IL31RA: variants seen among roughly 807,000 people sequenced by gnomAD.
IL31RA encodes interleukin 31 receptor A, also known as interleukin-31 receptor subunit alpha.
IL31RA carries 66 observed loss-of-function variants against 83.7 expected under a neutral mutation model. The observed-to-expected ratio is 0.79, with a 90% confidence interval of 0.65 to 0.97. IL31RA has a LOEUF of 0.97. IL31RA is among the 50% of genes least tolerant of loss of function. The pLI, the probability that IL31RA is intolerant of heterozygous loss-of-function variation, is 0.00. For missense variants in IL31RA, 798 were observed against 919.4 expected (o/e 0.87, Z 1.71); for synonymous variants, 325 against 329.0 (o/e 0.99, Z 0.13).
upstream of IL31RA, among the ~76,000 whole-genome samples, chr5:55,847,215 C>T (rs1744945073): frequency 7.4e-6 from 1 of 135,178 alleles, no homozygotes; most frequent in East Asian, 2.1e-4. Context: ...TGCACTCCAG[C>T]CTGGGCAACA....
upstream of IL31RA, among the ~76,000 whole-genome samples, chr5:55,847,251 AT>A (rs1744954913): frequency 2.2e-5 from 2 of 90,218 alleles, no homozygotes; most frequent in African/African-American, 3.3e-5. Context: ...ATAAAAATAA[AT>A]AAATAAATAA....
chr5:55,894,379 C>T lies in IL31RA; in HGVS notation c.773-1971C>T, dbSNP rs904437885. 4.6e-5 allele frequency among the ~76,000 whole-genome samples: 7 copies of T among 152,248 alleles called. No individual in the cohort carries two copies. The South Asian group carries it at 6.2e-4, about 14-fold the overall frequency. ...CTTCCTGTCTGAGAAATTTGAGTAC[C>T]GGCTGTCCTGTCTTATGATTCAATA... On this transcript the variant is annotated intron_variant, in intron 6 of 14. Coordinates refer to ENST00000652347, the MANE Select transcript of IL31RA (RefSeq NM_139017.7).
chr5:55,898,752 C>T (rs1373557738), intron 7 of IL31RA, among the ~76,000 whole-genome samples: 2 of 151,692 alleles, frequency 1.3e-5, no homozygotes, highest in East Asian at 1.9e-4. Flanking sequence ...TGGGGCTGGG[C>T]GTGGACTGGG....
chr5:55,918,151 C>T lies in IL31RA; in HGVS notation c.*1031C>T, dbSNP rs161697. 0.29 allele frequency among the ~76,000 whole-genome samples: 44,784 copies of T among 152,070 alleles called. 6,682 individuals carry two copies. The highest frequency in any genetic ancestry group is 0.34 in the South Asian group (1,649 of 4,818). ...GCTTCAGCACTGAGATAGTACTGGG[C>T]TCCTCCTGTAACTATAGTGACAGAG... On this transcript the variant is annotated 3_prime_UTR_variant, in exon 15 of 15. Transcript: ENST00000652347.
Position 55,871,159 on chromosome 5 carries a change from C to T in IL31RA, c.273-1111C>T, listed in dbSNP as rs1286047959. Among the ~76,000 whole-genome samples the T allele has an allele frequency of 3.3e-5, 5 of 152,206 alleles. No homozygotes were observed. The East Asian group carries it at 9.6e-4, about 29-fold the overall frequency. ...GAGGTTAAAGAACTTGCCCAAGTCA[C>T]ACAGTTAATAGGGGCAAAGCCACGA... On this transcript the variant is annotated intron_variant, in intron 3 of 14. Coordinates refer to ENST00000652347, the MANE Select transcript of IL31RA (RefSeq NM_139017.7).
At chr5:55,908,159 C>T in intron 10 of IL31RA, 106 bp from the exon 11 acceptor site, 1 of 1,520,240 alleles carries the variant, frequency 6.6e-7, no homozygotes, top group Non-Finnish European at 9.0e-7. Context: ...TCACCCGTCG[C>T]CTCCAGCACT....
chr5:55,909,923 C>T (rs1395921490), intron 11 of IL31RA, among the ~76,000 whole-genome samples: 1 of 152,162 alleles, frequency 6.6e-6, no homozygotes, highest in East Asian at 1.9e-4. Flanking sequence ...AGGCTGGTCT[C>T]GAACTCCCGA....
intron 8 of IL31RA, 29 bp from the exon 9 acceptor site, chr5:55,906,077 T>G (rs1439928295): frequency 3.7e-6 from 6 of 1,611,302 alleles, no homozygotes; most frequent in African/African-American, 1.3e-5. Context: ...GTTGGGTAGC[T>G]GTGAAGCAGT....
intron 2 of IL31RA, among the ~76,000 whole-genome samples, chr5:55,860,308 G>T (rs113083660): frequency 0.056 from 8,524 of 152,076 alleles, 496 homozygotes; most frequent in African/African-American, 0.15. Flanking sequence ...GGCGGAGGTT[G>T]CAGTGAGCCT....
At chr5:55,855,686 G>T (rs1373368352) in intron 1 of IL31RA, among the ~76,000 whole-genome samples, 2 of 152,314 alleles carry the variant, frequency 1.3e-5, no homozygotes, top group East Asian at 3.9e-4. Context: ...GGTCCTGTGA[G>T]ACAGGATGTG....
intron 3 of IL31RA, among the ~76,000 whole-genome samples, chr5:55,870,510 T>C (rs187007023): frequency 6.6e-6 from 1 of 152,340 alleles, no homozygotes; most frequent in Non-Finnish European, 1.5e-5. Flanking sequence ...GGCACCTTTA[T>C]AGGTTTACTG....
intron 4 of IL31RA, among the ~76,000 whole-genome samples, chr5:55,881,650 A>G (rs1356176894): frequency 6.9e-6 from 1 of 145,714 alleles, no homozygotes; most frequent in African/African-American, 2.6e-5. Context: ...AAGCTCATAT[A>G]CCAGTTAAAC....
chr5:55,867,254 CGTGTGTTTGT>C (rs1746203939), intron 2 of IL31RA, among the ~76,000 whole-genome samples: 2 of 24,980 alleles, frequency 8.0e-5, no homozygotes, highest in African/African-American at 1.6e-4. Context: ...TTTGTGTGTG[CGTGTGTTTGT>C]GTGCGTGTGT....
intron 1 of IL31RA, among the ~76,000 whole-genome samples, chr5:55,854,947 A>G (rs1475885122): frequency 6.6e-6 from 1 of 152,112 alleles, no homozygotes; most frequent in Non-Finnish European, 1.5e-5. Context: ...AACATTTAAA[A>G]GAGACTGAGA....
At chr5:55,913,237 C>T (rs1160122668) in intron 12 of IL31RA, among the ~76,000 whole-genome samples, 1 of 152,044 alleles carries the variant, frequency 6.6e-6, no homozygotes, top group Non-Finnish European at 1.5e-5. Context: ...ATTATAGGTG[C>T]ACACTATCAC....
At chr5:55,885,544 C>T (rs895109241) in intron 5 of IL31RA, among the ~76,000 whole-genome samples, 2 of 152,238 alleles carry the variant, frequency 1.3e-5, no homozygotes, top group Non-Finnish European at 2.9e-5. Flanking sequence ...GGCTCCACCC[C>T]ATTCTCCCAG....
intron 4 of IL31RA, among the ~76,000 whole-genome samples, chr5:55,879,303 G>C (rs1747044566): frequency 6.6e-6 from 1 of 151,920 alleles, no homozygotes; most frequent in Non-Finnish European, 1.5e-5. Context: ...AAGTAAGACA[G>C]CCACAAAACT....
At chr5:55,867,206 T>TTTGTGTGTGC (rs1746176208) in intron 2 of IL31RA, among the ~76,000 whole-genome samples, 2 of 92,388 alleles carry the variant, frequency 2.2e-5, no homozygotes, top group South Asian at 3.6e-4. Flanking sequence ...TGTTTGTGTG[T>TTTGTGTGTGC]GTGCGCATGT....
chr5:55,861,342 G>A (rs1369954156), intron 2 of IL31RA, among the ~76,000 whole-genome samples: 1 of 152,224 alleles, frequency 6.6e-6, no homozygotes, highest in Non-Finnish European at 1.5e-5. Context: ...CCACACAGCA[G>A]GAGATGAGCT....
Sources: gnomAD v4.1 joint callset for allele counts (sites outside exome capture counted in the v4.1 genomes callset) on GRCh38, gnomAD v4.1.1 for gene constraint, MANE v1.5 for transcripts, NCBI Gene and HGNC (gene_info 2026-07-23, HGNC 2026-07-21) for gene names.